The following CTIF variants were observed in gnomAD, a reference collection of about 807,000 sequenced individuals.
CTIF encodes the protein cap binding complex dependent translation initiation factor, also known as CBP80/20-dependent translation initiation factor.
In CTIF, 21 loss-of-function variants were observed where a neutral mutation model predicts 66.0. The ratio of observed to expected loss-of-function variants is 0.32; its 90% CI spans 0.23 to 0.46. The LOEUF (loss-of-function observed/expected upper bound fraction) is 0.46. Among genes scored for constraint, CTIF ranks in the 20% least tolerant of loss-of-function variants. The pLI, the probability that CTIF is intolerant of heterozygous loss-of-function variation, is 1.00. For missense variants in CTIF, 739 were observed against 812.7 expected (o/e 0.91, Z 1.10); for synonymous variants, 345 against 326.4 (o/e 1.06, Z -0.62).
intron 9 of CTIF, among the ~76,000 whole-genome samples, chr18:48,772,534 C>CCCTACAGCAA: frequency 6.6e-6 from 1 of 152,072 alleles, no homozygotes; most frequent in South Asian, 2.1e-4. Flanking sequence ...GCCTCCCCTC[C>CCCTACAGCAA]ATCTTCCATC....
chr18:48,601,119 C>T (rs922645059), intron 1 of CTIF, among the ~76,000 whole-genome samples: 8 of 152,148 alleles, frequency 5.3e-5, no homozygotes, highest in Non-Finnish European at 1.2e-4. Context: ...GATCTGCCCT[C>T]ACCACTAAGG....
intron 3 of CTIF, among the ~76,000 whole-genome samples, chr18:48,659,667 C>G (rs567604464): frequency 6.6e-6 from 1 of 152,300 alleles, no homozygotes; most frequent in Admixed American, 6.5e-5. Context: ...TAACAAGACT[C>G]AAGCCTTGTG....
intron 1 of CTIF, among the ~76,000 whole-genome samples, chr18:48,593,684 T>C (rs1216439249): frequency 6.6e-6 from 1 of 151,854 alleles, no homozygotes; most frequent in Non-Finnish European, 1.5e-5. Context: ...ACCCGGCCAA[T>C]TCGAATTCTT....
intron 7 of CTIF, among the ~76,000 whole-genome samples, chr18:48,730,300 A>C (rs371292048): frequency 0.017 from 1,096 of 65,584 alleles, 8 homozygotes; most frequent in Non-Finnish European, 0.023. Flanking sequence ...GGGGCCCCTG[A>C]GGTGTGAGGG....
At chr18:48,658,285 G>T (rs1465904295) in intron 3 of CTIF, among the ~76,000 whole-genome samples, 9 of 151,946 alleles carry the variant, frequency 5.9e-5, no homozygotes, top group African/African-American at 2.2e-4. Context: ...TATGTGTGTG[G>T]TCTACATGCA....
intron 1 of CTIF, chr18:48,567,568 G>A (rs1209981425): frequency 6.6e-6 from 1 of 152,232 alleles, no homozygotes; most frequent in Non-Finnish European, 1.5e-5. Flanking sequence ...TCTATTGAGA[G>A]CCACTTTCTA....
intron 1 of CTIF, among the ~76,000 whole-genome samples, chr18:48,610,568 C>T (rs2090290091): frequency 6.6e-6 from 1 of 152,194 alleles, no homozygotes; most frequent in Non-Finnish European, 1.5e-5. Flanking sequence ...CCTGTACCTT[C>T]CACACTCCTG....
At chr18:48,827,102 T>A (rs893338605) in intron 10 of CTIF, among the ~76,000 whole-genome samples, 5 of 152,000 alleles carry the variant, frequency 3.3e-5, no homozygotes, top group Non-Finnish European at 5.9e-5. Context: ...GAGCGAGCCG[T>A]GGCCAGCTCC....
intron 1 of CTIF, among the ~76,000 whole-genome samples, chr18:48,574,881 C>T (rs139664903): frequency 9.7e-4 from 147 of 152,300 alleles, no homozygotes; most frequent in African/African-American, 3.2e-3. Context: ...GCCCAAGACT[C>T]ACTCCCTCTC....
intron 1 of CTIF, among the ~76,000 whole-genome samples, chr18:48,612,146 C>A (rs1239598048): frequency 6.6e-6 from 1 of 152,232 alleles, no homozygotes; most frequent in African/African-American, 2.4e-5. Flanking sequence ...CAAACACCAA[C>A]ATGGTTGAAT....
intron 10 of CTIF, among the ~76,000 whole-genome samples, chr18:48,847,647 C>T (rs930680740): frequency 6.6e-6 from 1 of 152,210 alleles, no homozygotes; most frequent in African/African-American, 2.4e-5. Context: ...AATAATAACA[C>T]CTTACGTTTG....
At chr18:48,589,595 C>G (rs1303620836) in intron 1 of CTIF, among the ~76,000 whole-genome samples, 1 of 152,216 alleles carries the variant, frequency 6.6e-6, no homozygotes, top group African/African-American at 2.4e-5. Flanking sequence ...GCAGTGTGGT[C>G]CATGTCACTT....
intron 6 of CTIF, among the ~76,000 whole-genome samples, chr18:48,709,149 A>G (rs1427125395): frequency 6.6e-6 from 1 of 152,252 alleles, no homozygotes; most frequent in Admixed American, 6.5e-5. Flanking sequence ...ACTGAGGCAC[A>G]TAGAGGTTAG....
chr18:48,615,776 C>T (rs1383680943), intron 1 of CTIF, among the ~76,000 whole-genome samples: 1 of 152,202 alleles, frequency 6.6e-6, no homozygotes, highest in Non-Finnish European at 1.5e-5. Flanking sequence ...GACAGGAGAC[C>T]CCGGGGCAGC....
chr18:48,686,536 G>GT lies in CTIF; in HGVS notation c.507+15799dup, dbSNP rs72186004. ...GTGCTCATTGCTGCTCGGTTCTCACGTTTTTTTACTCTCTCCTCCCTCATT... is the reference window on the plus strand; with the variant it reads ...GTGCTCATTGCTGCTCGGTTCTCACGTTTTTTTTACTCTCTCCTCCCTCATT... On this transcript the variant is annotated intron_variant, in intron 6 of 11. Transcript: ENST00000256413. Among the ~76,000 whole-genome samples, 7 of 152,040 alleles carry GT rather than the reference G, an allele frequency of 4.6e-5. No homozygotes were observed. In the East Asian group the frequency reaches 1.4e-3, roughly 29 times the overall value.
chr18:48,619,763 G>A lies in CTIF; in HGVS notation c.180+18G>A. The A allele has an allele frequency of 6.6e-7, 1 of 1,522,254 alleles. No individual in the cohort carries two copies. Among genetic ancestry groups the A allele is most frequent in the South Asian group, 1.3e-5 (1 of 78,550 alleles). The allele number at this position is 1,522,254 out of a possible 1,614,324, so 94.3% of individuals were successfully genotyped here. A position where few individuals can be genotyped will look rare whatever the true frequency, so the allele number is the denominator to read the frequency against. On this transcript the variant is annotated intron_variant, in intron 2 of 11. Coordinates refer to ENST00000256413, the MANE Select transcript of CTIF (RefSeq NM_014772.3). The stretch of plus-strand genomic sequence containing the variant: ...TCTCCCAGGTGAGCGCGGGCCCGGG[G>A]TTGGGGCAGCTTGGGAAATTCAGAG...
rs2069507333 is a variant in CTIF at position 48,862,837 on chromosome 18, T to C, written c.*3278T>C. 6.6e-6 allele frequency: 1 copy of C among 152,076 alleles called. No homozygotes were observed. Among genetic ancestry groups the C allele is most frequent in the South Asian group, 2.1e-4 (1 of 4,828 alleles). 9.4% of individuals were successfully genotyped at this position (152,076 alleles called of 1,614,324 possible). A position where few individuals can be genotyped will look rare whatever the true frequency, so the allele number is the denominator to read the frequency against. ...CTCCAAGAAGCCAAGTCCCAGTCTG[T>C]TTTCTGGCATCAGACACCGGCCCGT... On this transcript the variant is annotated 3_prime_UTR_variant, in exon 12 of 12. Transcript: ENST00000256413.
chr18:48,803,907 A>G (rs2068093542), intron 9 of CTIF, among the ~76,000 whole-genome samples: 2 of 152,224 alleles, frequency 1.3e-5, no homozygotes, highest in Admixed American at 6.5e-5. Flanking sequence ...TGCAAGTCAA[A>G]GCCCAGACAA....
At chr18:48,555,817 T>C (rs1413158685) in intron 1 of CTIF, among the ~76,000 whole-genome samples, 1 of 152,148 alleles carries the variant, frequency 6.6e-6, no homozygotes, top group Non-Finnish European at 1.5e-5. Flanking sequence ...AGTCTCTTGG[T>C]ATGTGTGTGT....
Sources: gnomAD v4.1 joint callset for allele counts (sites outside exome capture counted in the v4.1 genomes callset) on GRCh38, gnomAD v4.1.1 for gene constraint, MANE v1.5 for transcripts, NCBI Gene and HGNC (gene_info 2026-07-23, HGNC 2026-07-21) for gene names.